Variants in DUSP18 observed in about 807,000 individuals in gnomAD.
DUSP18 encodes dual specificity protein phosphatase 18.
Under a neutral mutation model 6.3 loss-of-function variants are expected in DUSP18, and 4 were observed. The ratio of observed to expected loss-of-function variants is 0.63; its 90% CI spans 0.31 to 1.45. DUSP18 has a LOEUF of 1.45. DUSP18 is among the 40% of genes most tolerant of loss of function. The pLI is 0.07. For missense variants in DUSP18, 235 were observed against 247.7 expected (o/e 0.95, Z 0.34); for synonymous variants, 96 against 95.1 (o/e 1.01, Z -0.05).
chr22:30,657,585 G>A (rs117112776), downstream of DUSP18, among the ~76,000 whole-genome samples: 14,251 of 151,684 alleles, frequency 0.094, 969 homozygotes, highest in South Asian at 0.27. Flanking sequence ...ATGGTGAGAC[G>A]CTGTCTCTAA....
chr22:30,655,134 G>C (rs993107712), intron 2 of DUSP18, among the ~76,000 whole-genome samples: 1 of 152,054 alleles, frequency 6.6e-6, no homozygotes, highest in Non-Finnish European at 1.5e-5. Flanking sequence ...TGCAGGGTCT[G>C]GCCCAGGGTT....
intron 2 of DUSP18, chr22:30,652,314 G>C (rs1442846074): frequency 6.6e-6 from 1 of 152,180 alleles, no homozygotes; most frequent in Non-Finnish European, 1.5e-5. Context: ...AATATCACAA[G>C]CACTGATCTT....
intron 2 of DUSP18, among the ~76,000 whole-genome samples, chr22:30,652,588 A>C (rs1440555594): frequency 6.6e-6 from 1 of 152,224 alleles, no homozygotes; most frequent in African/African-American, 2.4e-5. Context: ...GAGTCAATTA[A>C]GTTAGATCTC....
chr22:30,657,277 AC>A (rs1227895903), downstream of DUSP18, among the ~76,000 whole-genome samples: 6 of 2,048 alleles, frequency 2.9e-3, no homozygotes, highest in Admixed American at 0.018. Flanking sequence ...TCTACTAAAA[AC>A]ACACACACAC....
At chr22:30,667,333 G>A (rs568978757) in intron 1 of DUSP18, 129 bp downstream of exon 1, 10 of 152,238 alleles carry the variant, frequency 6.6e-5, no homozygotes, top group Non-Finnish European at 1.5e-4. Flanking sequence ...TTATAAACAT[G>A]GAACAAAGTC....
chr22:30,654,508 GC>G, intron 2 of DUSP18: 1 of 427,922 alleles, frequency 2.3e-6, no homozygotes, highest in Non-Finnish European at 4.6e-6. Flanking sequence ...ACACCTTGAG[GC>G]GGTCTTGGGC....
downstream of DUSP18, among the ~76,000 whole-genome samples, chr22:30,659,411 T>C (rs960029963): frequency 3.9e-5 from 6 of 152,284 alleles, 1 homozygote; most frequent in East Asian, 7.7e-4. Flanking sequence ...TTCACTCTTA[T>C]TGCCCAGGCT....
chr22:30,659,518 C>T (rs1451667134), downstream of DUSP18, among the ~76,000 whole-genome samples: 3 of 152,006 alleles, frequency 2.0e-5, no homozygotes, highest in Non-Finnish European at 2.9e-5. Context: ...TGATTACAGG[C>T]GCCCGCCACC....
intron 2 of DUSP18, among the ~76,000 whole-genome samples, chr22:30,653,709 G>C (rs1204535944): frequency 6.6e-6 from 1 of 151,792 alleles, no homozygotes; most frequent in Non-Finnish European, 1.5e-5. Context: ...CATCCCAGCT[G>C]TACCTGCTGC....
chr22:30,663,702 A>C lies in DUSP18; in HGVS notation c.302T>G (p.Leu101Trp), dbSNP rs768947169. 6.8e-5 allele frequency: 109 copies of C among 1,614,128 alleles called. No individual in the cohort carries two copies. The highest frequency in any genetic ancestry group is 9.2e-5 in the Non-Finnish European group (108 of 1,180,056). Residue 101 changes from leucine to tryptophan, a missense_variant, in exon 2 of 2, where the codon TTG becomes TGG. Physicochemically the swap from Leu to Trp is moderately conservative, Grantham distance 61. Transcript: ENST00000334679. The part of the protein sequence containing the change: ...HSVEMKQGRT[L>W]LHCAAGVSRS... ...GCTCACACCAGCAGCACAGTGCAGC[A>C]AAGTACGGCCCTGCTTCATCTCCAC...
Position 30,663,539 on chromosome 22 carries a change from C to T in DUSP18, c.465G>A (p.Glu155=). 6.2e-7 allele frequency: 1 copy of T among 1,614,166 alleles called. No individual in the cohort carries two copies. Among genetic ancestry groups the T allele is most frequent in the Non-Finnish European group, 8.5e-7 (1 of 1,180,044 alleles). ...CAGTGTTCTTGCCAAACAATTGGAA[C>T]TCATAGTGGATGAGCTGCTCCCAAA... ...SGFWEQLIHY[E]FQLFGKNTVH... The change falls in exon 2 of 2, where the codon GAG becomes GAA. Residue 155 remains glutamate (E), a synonymous_variant. Coordinates refer to ENST00000334679, the MANE Select transcript of DUSP18 (RefSeq NM_152511.5).
downstream of DUSP18, chr22:30,661,312 TACTC>T (rs1340110228): frequency 2.6e-5 from 4 of 152,132 alleles, no homozygotes; most frequent in Non-Finnish European, 4.4e-5. Context: ...TCAAAGGAAA[TACTC>T]ATTTAAGCAT....
At chr22:30,659,512 T>G (rs1268909641), downstream of DUSP18, among the ~76,000 whole-genome samples, 1 of 152,090 alleles carries the variant, frequency 6.6e-6, no homozygotes, top group Non-Finnish European at 1.5e-5. Context: ...TAGCTGTGAT[T>G]ACAGGCGCCC....
Position 30,663,468 on chromosome 22 carries a change from T to C in DUSP18, c.536A>G (p.Glu179Gly), listed in dbSNP as rs2088541606. 2 of 1,612,408 alleles carry C rather than the reference T, an allele frequency of 1.2e-6. No homozygotes were observed. The highest frequency in any genetic ancestry group is 1.7e-6 in the Non-Finnish European group (2 of 1,178,576). The change falls in exon 2 of 2, where the codon GAG (glutamate) becomes GGG (glycine). Residue 179 changes from glutamate to glycine, a missense_variant. By Grantham distance (98) the Glu-to-Gly change is moderately conservative. Coordinates refer to ENST00000334679, the MANE Select transcript of DUSP18 (RefSeq NM_152511.5). ...TGGAATCATCAAACGGACTTCCTTCTCATAGATGTCAGGGATCATTCCCAC... is the reference window on the plus strand; with the variant it reads ...TGGAATCATCAAACGGACTTCCTTCCCATAGATGTCAGGGATCATTCCCAC... ...SPVGMIPDIY[E>G]KEVRLMIPL
At chr22:30,656,709 T>C (rs776178294), downstream of DUSP18, among the ~76,000 whole-genome samples, 1 of 152,150 alleles carries the variant, frequency 6.6e-6, no homozygotes, top group African/African-American at 2.4e-5. Flanking sequence ...TGTGAACTGT[T>C]TGGGAAAAGG....
chr22:30,666,321 T>G (rs1267983119), intron 1 of DUSP18, among the ~76,000 whole-genome samples: 1 of 152,080 alleles, frequency 6.6e-6, no homozygotes, highest in African/African-American at 2.4e-5. Flanking sequence ...TTCATGCTAG[T>G]TAAGAAATAT....
In DUSP18 at chr22:30,655,070, T is replaced by C. The variant is rs538686950; in HGVS notation, c.*34-2773A>G. Among the ~76,000 whole-genome samples, 56 of 152,220 alleles carry C rather than the reference T, an allele frequency of 3.7e-4. 1 individual carries two copies. In the South Asian group the frequency reaches 0.012, roughly 32 times the overall value. On this transcript the variant is annotated intron_variant, in intron 2 of 2. Transcript: ENST00000404885. Reference sequence around the variant, plus strand: ...TAATTCCTGGGGTTCTGCTATTCTCTGCTCCCTACACTGCTATGAAGAACA... The same window carrying C: ...TAATTCCTGGGGTTCTGCTATTCTCCGCTCCCTACACTGCTATGAAGAACA...
Position 30,652,631 on chromosome 22 carries a change from G to A in DUSP18, c.*34-334C>T, listed in dbSNP as rs186447730. On this transcript the variant is annotated intron_variant, in intron 2 of 2. Coordinates refer to the DUSP18 transcript ENST00000404885. ...GTATCAGTCACAATTTTGCAAAGGC[G>A]GCTTCAGATTTACATTCAAAATGGG... Among the ~76,000 whole-genome samples the A allele has an allele frequency of 9.8e-5, 15 of 152,310 alleles. No individual in the cohort carries two copies. In the East Asian group the frequency reaches 2.5e-3, roughly 25 times the overall value.
chr22:30,664,579 T>C (rs2088584230), intron 1 of DUSP18, among the ~76,000 whole-genome samples: 1 of 152,198 alleles, frequency 6.6e-6, no homozygotes, highest in Admixed American at 6.5e-5. Context: ...AATCATAAGG[T>C]CCTGAGCCAG....
Sources: gnomAD v4.1 joint callset for allele counts (sites outside exome capture counted in the v4.1 genomes callset) on GRCh38, gnomAD v4.1.1 for gene constraint, MANE v1.5 for transcripts, NCBI Gene and HGNC (gene_info 2026-07-23, HGNC 2026-07-21) for gene names.